Variants in WWOX observed in about 807,000 individuals in gnomAD.
The protein encoded by WWOX is WW domain-containing oxidoreductase.
A neutral mutation model predicts 46.2 loss-of-function variants in WWOX; 69 were observed. That is an observed-to-expected ratio of 1.49 (90% CI 1.23 to 1.82). The LOEUF (loss-of-function observed/expected upper bound fraction) is 1.82, where lower values mean the gene tolerates loss of function less well. Ranked by LOEUF, WWOX falls within the 40% of genes most tolerant of loss-of-function variation. WWOX has a pLI of 0.00. For missense variants in WWOX, 919 were observed against 542.6 expected, an observed-to-expected ratio of 1.69 and a Z score of -6.89; for synonymous variants, 359 against 202.6, an observed-to-expected ratio of 1.77 and a Z score of -6.56.
At chr16:78,757,033 G>T in intron 8 of WWOX, 1 of 702,870 alleles carries the variant, frequency 1.4e-6, no homozygotes, top group African/African-American at 1.7e-5. Context: ...AACCACGTTC[G>T]AAGTTGATTC....
chr16:78,432,396 G>A lies in WWOX; in HGVS notation c.792-92G>A, dbSNP rs1003674791. 70 of 1,539,114 alleles carry A rather than the reference G, an allele frequency of 4.5e-5. 1 individual carries two copies. Among genetic ancestry groups the A allele is most frequent in the Non-Finnish European group, 3.2e-5 (36 of 1,126,430 alleles). On this transcript the variant is annotated intron_variant, in intron 7 of 8. Transcript: ENST00000566780. ...GCTCGGATTACAGATGTGAGCCACT[G>A]CACCCAGCATTCCTTAGATTTCCAA...
At chr16:78,712,105 A>G (rs2048456604) in intron 8 of WWOX, among the ~76,000 whole-genome samples, 1 of 152,262 alleles carries the variant, frequency 6.6e-6, no homozygotes, top group African/African-American at 2.4e-5. Context: ...ATCCTTTGTG[A>G]TGTCTTGAGT....
rs1249327162 is a variant in WWOX at position 78,432,528 on chromosome 16, A to C, written c.832A>C (p.Ser278Arg). 1 of 1,614,180 alleles carries C rather than the reference A, an allele frequency of 6.2e-7. No homozygotes were observed. Among genetic ancestry groups the C allele is most frequent in the Non-Finnish European group, 8.5e-7 (1 of 1,180,026 alleles). Residue 278 changes from serine to arginine, a missense_variant, in exon 8 of 9, where the codon AGT becomes CGT. Transcript: ENST00000566780. The part of the protein sequence containing the change: ...INDSLGKLDF[S>R]RLSPTKNDYW... The stretch of plus-strand genomic sequence containing the variant: ...CGACTCCTTGGGAAAACTGGACTTC[A>C]GTCGCCTCTCTCCAACAAAAAACGA...
At chr16:78,396,406 A>G (rs993522225) in intron 6 of WWOX, among the ~76,000 whole-genome samples, 1 of 152,214 alleles carries the variant, frequency 6.6e-6, no homozygotes, top group African/African-American at 2.4e-5. Flanking sequence ...TTCACAAAAT[A>G]AACATTTTTG....
At chr16:78,820,297 C>T (rs191540639) in intron 8 of WWOX, among the ~76,000 whole-genome samples, 66 of 152,272 alleles carry the variant, frequency 4.3e-4, no homozygotes, top group Non-Finnish European at 4.9e-4. Flanking sequence ...ATGTGTGACC[C>T]AAAGTTTTGG....
chr16:78,978,902 C>G (rs777977500), intron 8 of WWOX, among the ~76,000 whole-genome samples: 25 of 152,060 alleles, frequency 1.6e-4, no homozygotes, highest in Non-Finnish European at 2.9e-4. Context: ...CAGATCCAAA[C>G]CTTATCACCA....
At chr16:78,331,288 T>C (rs900669927) in intron 5 of WWOX, among the ~76,000 whole-genome samples, 4 of 152,240 alleles carry the variant, frequency 2.6e-5, no homozygotes, top group African/African-American at 9.6e-5. Context: ...ACGTCGATTT[T>C]CAAAATGATA....
At chr16:79,188,439 G>A (rs992800541) in intron 8 of WWOX, among the ~76,000 whole-genome samples, 6 of 152,178 alleles carry the variant, frequency 3.9e-5, no homozygotes, top group South Asian at 4.1e-4. Context: ...TTCCTTTCAC[G>A]GATTTCCAAA....
At chr16:78,367,324 C>A (rs987796873) in intron 5 of WWOX, among the ~76,000 whole-genome samples, 1 of 152,160 alleles carries the variant, frequency 6.6e-6, no homozygotes, top group Non-Finnish European at 1.5e-5. Context: ...GTTCAACCTG[C>A]AGCCTGTGGG....
Position 78,951,729 on chromosome 16 carries a change from C to G in WWOX, c.1057-259879C>G, listed in dbSNP as rs192895867. Among the ~76,000 whole-genome samples, 331 of 152,218 alleles carry G rather than the reference C, an allele frequency of 2.2e-3. 4 individuals are homozygous for G. Among genetic ancestry groups the G allele is most frequent in the Admixed American group, 0.017 (265 of 15,296 alleles). ...GGAACCAGGTGAGGGGGTTAAGAGG[C>G]CTGGGCCCATGGAAGGGGTGAGAGA... On this transcript the variant is annotated intron_variant, in intron 8 of 8. Coordinates refer to ENST00000566780, the MANE Select transcript of WWOX (RefSeq NM_016373.4).
chr16:78,750,677 T>C (rs746546999), intron 8 of WWOX, among the ~76,000 whole-genome samples: 1 of 152,142 alleles, frequency 6.6e-6, no homozygotes, highest in Non-Finnish European at 1.5e-5. Context: ...CCAGAGTCTA[T>C]TGTTCCTGTC....
chr16:78,211,089 C>G (rs1321975589), intron 5 of WWOX, among the ~76,000 whole-genome samples: 1 of 152,166 alleles, frequency 6.6e-6, no homozygotes, highest in Non-Finnish European at 1.5e-5. Context: ...AAAGATACTT[C>G]AGATATTCCT....
intron 8 of WWOX, among the ~76,000 whole-genome samples, chr16:78,627,499 A>C (rs1297589571): frequency 1.3e-5 from 2 of 152,222 alleles, no homozygotes; most frequent in Non-Finnish European, 2.9e-5. Flanking sequence ...GTCTTTGAAT[A>C]ATGGCCCAGG....
intron 8 of WWOX, among the ~76,000 whole-genome samples, chr16:78,876,017 A>T (rs1423187247): frequency 6.6e-6 from 1 of 151,952 alleles, no homozygotes; most frequent in Non-Finnish European, 1.5e-5. Context: ...ACCCTCTCTT[A>T]TTTTTATAAA....
intron 8 of WWOX, among the ~76,000 whole-genome samples, chr16:78,607,886 C>T (rs1253568625): frequency 1.3e-5 from 2 of 151,998 alleles, no homozygotes; most frequent in East Asian, 1.9e-4. Flanking sequence ...AAGAGCTTGT[C>T]GGGGACCTGC....
chr16:79,110,576 G>A (rs2049397964), intron 8 of WWOX: 1 of 152,236 alleles, frequency 6.6e-6, no homozygotes, highest in Admixed American at 6.5e-5. Context: ...TGAAGGAAGA[G>A]AAGCAGTCAT....
chr16:78,306,858 C>T (rs573547638), intron 5 of WWOX, among the ~76,000 whole-genome samples: 1 of 151,960 alleles, frequency 6.6e-6, no homozygotes, highest in South Asian at 2.1e-4. Flanking sequence ...CCCCACTGAG[C>T]CCCACTCCTT....
chr16:78,471,216 C>T (rs2084212850), intron 8 of WWOX, among the ~76,000 whole-genome samples: 1 of 152,188 alleles, frequency 6.6e-6, no homozygotes, highest in Non-Finnish European at 1.5e-5. Flanking sequence ...AGGCGTGATT[C>T]TTCATCCAGG....
chr16:78,151,367 T>C (rs1388006369), intron 4 of WWOX, among the ~76,000 whole-genome samples: 3 of 152,314 alleles, frequency 2.0e-5, no homozygotes, highest in East Asian at 3.9e-4. Flanking sequence ...TTTTTTGCCC[T>C]CTGATCTTGT....
Sources: allele counts gnomAD v4.1 joint callset (sites outside exome capture counted in the v4.1 genomes callset), GRCh38; gene constraint gnomAD v4.1.1; transcripts MANE v1.5; gene names NCBI Gene and HGNC (gene_info 2026-07-23, HGNC 2026-07-21).